The following ADGRB3 variants were observed in gnomAD, a reference collection of about 807,000 sequenced individuals.
The protein encoded by ADGRB3 is brain-specific angiogenesis inhibitor 3.
In ADGRB3, 37 loss-of-function variants were observed where a neutral mutation model predicts 193.4. The ratio of observed to expected loss-of-function variants is 0.19; its 90% CI spans 0.15 to 0.25. The LOEUF is 0.25. Ranked by LOEUF, ADGRB3 falls within the 10% of genes least tolerant of loss-of-function variation. ADGRB3 has a pLI of 1.00. For synonymous variants in ADGRB3, 690 were observed against 644.2 expected (o/e 1.07, Z -1.08); for missense variants, 1,637 against 1,852.9 (o/e 0.88, Z 2.14).
At position 68,850,127 on chromosome 6, in the gene ADGRB3, C is replaced by T. The variant is rs551241666; in HGVS notation, c.758-80432C>T. Among the ~76,000 whole-genome samples the T allele has an allele frequency of 1.1e-3, 170 of 151,486 alleles. 5 individuals carry two copies. The South Asian group carries it at 0.035, about 31-fold the overall frequency. ...ACATTTTGTTCTGTAACCTCAGGTC[C>T]CATAGTTTTTTTATTAATAGTTATG... On this transcript the variant is annotated intron_variant, in intron 3 of 31. Coordinates refer to ENST00000370598, the MANE Select transcript of ADGRB3 (RefSeq NM_001704.3).
intron 3 of ADGRB3, among the ~76,000 whole-genome samples, chr6:68,855,060 A>G (rs886481678): frequency 1.4e-4 from 22 of 152,360 alleles, no homozygotes; most frequent in African/African-American, 5.0e-4. Flanking sequence ...AGGAACCTGC[A>G]TCCAAACTGA....
chr6:69,074,737 G>C (rs1472136133), intron 16 of ADGRB3, among the ~76,000 whole-genome samples: 1 of 151,922 alleles, frequency 6.6e-6, no homozygotes, highest in Non-Finnish European at 1.5e-5. Flanking sequence ...AGTACAGACG[G>C]GGTTTCACTG....
intron 3 of ADGRB3, among the ~76,000 whole-genome samples, chr6:68,717,341 A>G (rs1765505623): frequency 6.6e-6 from 1 of 151,720 alleles, no homozygotes; most frequent in South Asian, 2.1e-4. Flanking sequence ...CCCAATTCAA[A>G]TTATATTCAA....
intron 20 of ADGRB3, among the ~76,000 whole-genome samples, chr6:69,302,177 A>G (rs953175529): frequency 1.3e-5 from 2 of 151,900 alleles, no homozygotes; most frequent in Admixed American, 6.6e-5. Flanking sequence ...GCCATGAAGG[A>G]TATATATTAG....
Position 69,389,065 on chromosome 6 carries a change from G to A in ADGRB3, c.*174G>A. 1 of 602,496 alleles carries A rather than the reference G, an allele frequency of 1.7e-6. No individual in the cohort carries two copies. Among genetic ancestry groups the A allele is most frequent in the South Asian group, 2.2e-5 (1 of 45,616 alleles). 37.3% of individuals were successfully genotyped at this position (602,496 alleles called of 1,614,324 possible). A position where few individuals can be genotyped will look rare whatever the true frequency, so the allele number is the denominator to read the frequency against. On this transcript the variant is annotated 3_prime_UTR_variant, in exon 32 of 32. Transcript: ENST00000370598. ...TTCTCACTAGTCAGGCTAGTGGAGA[G>A]ATGACCAGGTGTACAGTTCTGACCA...
chr6:69,229,963 G>A (rs968928652), intron 17 of ADGRB3, among the ~76,000 whole-genome samples: 1 of 152,156 alleles, frequency 6.6e-6, no homozygotes, highest in Non-Finnish European at 1.5e-5. Flanking sequence ...ACTTGGGACA[G>A]GAAGGCTCCT....
At chr6:68,945,456 G>A (rs1240240151) in intron 6 of ADGRB3, among the ~76,000 whole-genome samples, 1 of 152,004 alleles carries the variant, frequency 6.6e-6, no homozygotes, top group Non-Finnish European at 1.5e-5. Context: ...ACACACATAT[G>A]TAGTGATGCC....
At chr6:68,654,572 A>G (rs907272540) in intron 3 of ADGRB3, among the ~76,000 whole-genome samples, 4 of 151,896 alleles carry the variant, frequency 2.6e-5, no homozygotes, top group African/African-American at 9.7e-5. Flanking sequence ...CCACCTTTGT[A>G]TATCTGATCT....
chr6:69,258,046 A>G (rs1233260453), intron 20 of ADGRB3, among the ~76,000 whole-genome samples: 1 of 152,200 alleles, frequency 6.6e-6, no homozygotes, highest in Non-Finnish European at 1.5e-5. Flanking sequence ...CCCATTTGTC[A>G]GGAAAGAAGG....
chr6:68,751,640 A>G (rs972826224), intron 3 of ADGRB3, among the ~76,000 whole-genome samples: 1 of 152,150 alleles, frequency 6.6e-6, no homozygotes, highest in African/African-American at 2.4e-5. Flanking sequence ...TTCAAAGGCA[A>G]CCTGTAGAGA....
chr6:69,349,650 A>G (rs1582649183), intron 26 of ADGRB3, among the ~76,000 whole-genome samples: 1 of 152,212 alleles, frequency 6.6e-6, no homozygotes, highest in Admixed American at 6.6e-5. Flanking sequence ...TTGTTAAAAT[A>G]TGAAACAATG....
intron 3 of ADGRB3, among the ~76,000 whole-genome samples, chr6:68,897,506 A>G (rs796169582): frequency 1.0e-4 from 3 of 28,996 alleles, no homozygotes; most frequent in East Asian, 5.9e-4. Context: ...AGGGAAGAGG[A>G]AGGAAGGAAG....
intron 20 of ADGRB3, among the ~76,000 whole-genome samples, chr6:69,245,165 C>T (rs1766471970): frequency 6.6e-6 from 1 of 151,894 alleles, no homozygotes; most frequent in Non-Finnish European, 1.5e-5. Flanking sequence ...ACAATTTAAC[C>T]CTCAAATATT....
In ADGRB3 at chr6:69,301,295, C is replaced by T. The variant is rs540429184; in HGVS notation, c.2815-23577C>T. ...TACAAACACAGATTATATTCACTGT[C>T]GAGAGAAATATAAGTATTCAGTATT... On this transcript the variant is annotated intron_variant, in intron 20 of 31. Coordinates refer to ENST00000370598, the MANE Select transcript of ADGRB3 (RefSeq NM_001704.3). 8.6e-5 allele frequency among the ~76,000 whole-genome samples: 13 copies of T among 151,560 alleles called. No individual in the cohort carries two copies. In the East Asian group the frequency reaches 1.8e-3, roughly 20 times the overall value.
chr6:69,371,959 T>C (rs1769716545), intron 29 of ADGRB3, among the ~76,000 whole-genome samples: 1 of 152,102 alleles, frequency 6.6e-6, no homozygotes, highest in Non-Finnish European at 1.5e-5. Flanking sequence ...TAGAATTTGG[T>C]AGGAAGGAAA....
intron 12 of ADGRB3, 28 bp from the exon 13 acceptor site, chr6:69,018,363 T>C (rs923359883): frequency 7.0e-7 from 1 of 1,430,606 alleles, no homozygotes; most frequent in Non-Finnish European, 9.6e-7. Flanking sequence ...GATTTTTTAT[T>C]CCTTCTAACC....
intron 3 of ADGRB3, among the ~76,000 whole-genome samples, chr6:68,858,158 C>T (rs942394021): frequency 6.6e-6 from 1 of 152,174 alleles, no homozygotes; most frequent in East Asian, 1.9e-4. Flanking sequence ...TACAGTCAGG[C>T]ATGATGTTTC....
chr6:69,342,549 A>G (rs1334351348), intron 26 of ADGRB3, among the ~76,000 whole-genome samples: 1 of 152,114 alleles, frequency 6.6e-6, no homozygotes, highest in Non-Finnish European at 1.5e-5. Flanking sequence ...TTGACCTTCT[A>G]AAGGTATATT....
At chr6:69,185,071 A>C (rs181613327) in intron 17 of ADGRB3, among the ~76,000 whole-genome samples, 4 of 152,264 alleles carry the variant, frequency 2.6e-5, no homozygotes, top group Admixed American at 2.6e-4. Flanking sequence ...AAATTCTTCT[A>C]TAATTTCTAA....
Sources: gnomAD v4.1 joint callset for allele counts (sites outside exome capture counted in the v4.1 genomes callset) on GRCh38, gnomAD v4.1.1 for gene constraint, MANE v1.5 for transcripts, NCBI Gene and HGNC (gene_info 2026-07-23, HGNC 2026-07-21) for gene names.